TLCD3A: variants seen among roughly 807,000 people sequenced by gnomAD.
TLCD3A encodes TLC domain-containing protein 3A.
TLCD3A carries 17 observed loss-of-function variants against 29.9 expected under a neutral mutation model. The ratio of observed to expected loss-of-function variants is 0.57; its 90% CI spans 0.39 to 0.85. TLCD3A has a LOEUF of 0.85. Among genes scored for constraint, TLCD3A ranks in the 40% least tolerant of loss-of-function variants. TLCD3A has a pLI of 0.00. For missense variants in TLCD3A, 332 were observed against 350.8 expected (o/e 0.95, Z 0.43); for synonymous variants, 143 against 147.7 (o/e 0.97, Z 0.23).
intron 2 of TLCD3A, among the ~76,000 whole-genome samples, chr17:737,510 G>T (rs537056318): frequency 2.8e-4 from 42 of 151,992 alleles, no homozygotes; most frequent in Non-Finnish European, 5.0e-4. Flanking sequence ...TCTTGGTGGG[G>T]CCGTTGAATC....
In TLCD3A at chr17:741,431, T is replaced by A; in HGVS notation, c.635T>A (p.Leu212His). ...SYGRQQGLSL[L>H]QVPFSIPFYC... ...GGCCGCCAGCAGGGACTAAGCCTGC[T>A]CCAAGTACCCTTCAGCATCCCATTC... The change falls in exon 5 of 5, where the codon CTC becomes CAC. Residue 212 changes from leucine (L) to histidine (H), a missense_variant. By Grantham distance (99) the Leu-to-His change is moderately conservative. Transcript: ENST00000308278. 6.2e-7 allele frequency: 1 copy of A among 1,614,212 alleles called. No individual in the cohort carries two copies. Among genetic ancestry groups the A allele is most frequent in the Non-Finnish European group, 8.5e-7 (1 of 1,180,048 alleles).
In TLCD3A at chr17:741,843, T is replaced by G. The variant is rs752706282; in HGVS notation, c.*273T>G. On this transcript the variant is annotated 3_prime_UTR_variant, in exon 5 of 5. Transcript: ENST00000308278. ...CAAGGATCCTTCTTAAGGTCTTATC[T>G]CAAGAGCTCTGGGAGGTGGAAGCAT... The G allele has an allele frequency of 4.4e-5, 21 of 475,380 alleles. No homozygotes were observed. Among genetic ancestry groups the G allele is most frequent in the Non-Finnish European group, 7.3e-5 (19 of 260,694 alleles). 29.4% of individuals were successfully genotyped at this position (475,380 alleles called of 1,614,324 possible).
In TLCD3A at chr17:742,343, C is replaced by T. The variant is rs71358511; in HGVS notation, c.*773C>T. 13,438 of 152,208 alleles carry T rather than the reference C, an allele frequency of 0.088. 796 individuals are homozygous for T. Among genetic ancestry groups the T allele is most frequent in the Non-Finnish European group, 0.13 (8,851 of 68,024 alleles). The allele number at this position is 152,208 out of a possible 1,614,324, so 9.4% of individuals were successfully genotyped here. ...TCTTTTTCACACACCCCTTCATGCC[C>T]GGCTTTCCCCATATCCACATGCAGA... On this transcript the variant is annotated 3_prime_UTR_variant, in exon 5 of 5. Coordinates refer to ENST00000308278, the MANE Select transcript of TLCD3A (RefSeq NM_024792.3).
intron 2 of TLCD3A, among the ~76,000 whole-genome samples, chr17:736,064 CTTAT>C (rs927449566): frequency 1.2e-4 from 18 of 150,984 alleles, no homozygotes; most frequent in Non-Finnish European, 1.8e-4. Context: ...ACTTGCTTGC[CTTAT>C]TTGTTTATTC....
chr17:732,758 G>A lies in TLCD3A; in HGVS notation c.111G>A (p.Met37Ile), dbSNP rs1167568810. The change falls in exon 1 of 5, where the codon ATG becomes ATA. Residue 37 changes from methionine (M) to isoleucine (I), a missense_variant. Coordinates refer to ENST00000308278, the MANE Select transcript of TLCD3A (RefSeq NM_024792.3). ...QPGWSRTDCVMISTRLVSSVH... is the reference protein window; with the variant it reads ...QPGWSRTDCVIISTRLVSSVH... ...GATGGAGCCGCACCGACTGCGTGAT[G>A]ATCAGCACCAGGTACCGGCGCCGCC... 6.9e-7 allele frequency: 1 copy of A among 1,454,952 alleles called. No homozygotes were observed. Among genetic ancestry groups the A allele is most frequent in the Non-Finnish European group, 9.0e-7 (1 of 1,106,042 alleles). The allele number at this position is 1,454,952 out of a possible 1,614,324, so 90.1% of individuals were successfully genotyped here.
chr17:738,612 A>G (rs1033404836), intron 3 of TLCD3A, among the ~76,000 whole-genome samples: 12 of 152,070 alleles, frequency 7.9e-5, no homozygotes, highest in African/African-American at 1.7e-4. Context: ...TCACTCTGTC[A>G]CCCCGGGTGG....
intron 3 of TLCD3A, among the ~76,000 whole-genome samples, chr17:739,079 A>G (rs907853319): frequency 1.3e-5 from 2 of 152,106 alleles, no homozygotes; most frequent in Non-Finnish European, 2.9e-5. Flanking sequence ...CCCCAGATCC[A>G]TTTCCCCATA....
chr17:741,667 T>G lies in TLCD3A; in HGVS notation c.*97T>G. 1 of 1,412,820 alleles carries G rather than the reference T, an allele frequency of 7.1e-7. No homozygotes were observed. Among genetic ancestry groups the G allele is most frequent in the Non-Finnish European group, 9.6e-7 (1 of 1,041,342 alleles). 87.5% of individuals were successfully genotyped at this position (1,412,820 alleles called of 1,614,324 possible). ...GCCCTGGGTAGCCTCAGACTTTGGG[T>G]ATTGATAAGCCGATGGATTTGAGTT... On this transcript the variant is annotated 3_prime_UTR_variant, in exon 5 of 5. Transcript: ENST00000308278.
At chr17:735,986 C>CAAAAAA (rs55943725) in intron 2 of TLCD3A, among the ~76,000 whole-genome samples, 227 of 107,210 alleles carry the variant, frequency 2.1e-3, no homozygotes, top group African/African-American at 7.6e-3. Flanking sequence ...AAACCAAAAC[C>CAAAAAA]AAAAAAAAAA....
intron 1 of TLCD3A, 151 bp downstream of exon 1, chr17:732,920 C>T: frequency 2.2e-6 from 3 of 1,363,110 alleles, no homozygotes; most frequent in African/African-American, 1.5e-5. Context: ...CGAAGCCCCT[C>T]CGCGTCCTCC....
chr17:735,986 C>CAAAAAAAAAAA (rs55943725), intron 2 of TLCD3A, among the ~76,000 whole-genome samples: 1 of 107,276 alleles, frequency 9.3e-6, no homozygotes, highest in Non-Finnish European at 1.8e-5. Flanking sequence ...AAACCAAAAC[C>CAAAAAAAAAAA]AAAAAAAAAA....
chr17:741,259 C>T (rs1417339785), intron 4 of TLCD3A, 42 bp from the exon 5 acceptor site: 1 of 1,607,616 alleles, frequency 6.2e-7, no homozygotes, highest in Non-Finnish European at 8.5e-7. Flanking sequence ...TGATGCCCAG[C>T]TTCTTGGTGA....
intron 2 of TLCD3A, among the ~76,000 whole-genome samples, chr17:735,536 T>C (rs934919951): frequency 1.3e-5 from 2 of 152,212 alleles, no homozygotes; most frequent in African/African-American, 4.8e-5. Context: ...TAGGTTCCCT[T>C]CAAGGGGAGA....
chr17:732,948 C>G (rs1302473376), intron 1 of TLCD3A, 150 bp from the exon 2 acceptor site: 19 of 1,369,434 alleles, frequency 1.4e-5, no homozygotes, highest in Non-Finnish European at 1.8e-5. Flanking sequence ...GGAGCGGGGC[C>G]GGGGCGGGCG....
intron 4 of TLCD3A, among the ~76,000 whole-genome samples, chr17:741,054 G>A (rs1393095087): frequency 6.6e-6 from 1 of 152,216 alleles, no homozygotes; most frequent in Non-Finnish European, 1.5e-5. Context: ...GGTGGCCTGG[G>A]TCAAATTCAA....
chr17:733,995 C>G (rs1442312574), intron 2 of TLCD3A, among the ~76,000 whole-genome samples: 1 of 152,220 alleles, frequency 6.6e-6, no homozygotes, highest in East Asian at 1.9e-4. Context: ...AGCTGTCCGT[C>G]TCACTCTAGC....
At position 732,736 on chromosome 17, in the gene TLCD3A, G is replaced by A; in HGVS notation, c.89G>A (p.Trp30Ter). 6.9e-7 allele frequency: 1 copy of A among 1,446,344 alleles called. No homozygotes were observed. The highest frequency in any genetic ancestry group is 9.1e-7 in the Non-Finnish European group (1 of 1,101,056). 89.6% of individuals were successfully genotyped at this position (1,446,344 alleles called of 1,614,324 possible). ...GCGCTGCGCCGCTCCCAGCCCGGAT[G>A]GAGCCGCACCGACTGCGTGATGATC... ...TWALRRSQPG[W>*]SRTDCVMIST... is the part of the protein sequence containing the mutation. The change falls in exon 1 of 5, where the codon TGG becomes TAG. Residue 30 changes from tryptophan (W) to a stop codon, truncating the protein, a stop_gained. Transcript: ENST00000308278. LOFTEE classifies it high-confidence loss of function.
intron 4 of TLCD3A, among the ~76,000 whole-genome samples, chr17:740,892 C>T (rs1974243245): frequency 6.6e-6 from 1 of 152,142 alleles, no homozygotes; most frequent in African/African-American, 2.4e-5. Flanking sequence ...ATGAGAGATC[C>T]TTCAACAGCC....
rs1189420420 is a variant in TLCD3A, at chr17:740,588, G to A, written c.492G>A (p.Arg164=). Residue 164 remains arginine, a synonymous_variant, in exon 4 of 5, where the codon AGG becomes AGA. Transcript: ENST00000308278. ...ELSTPFVSLG[R]VLIQLKQQHT... is the part of the protein sequence containing the mutation. ...GCACTCCGTTTGTGTCGCTGGGCAGGGTTCTGATTCAGGCATGTATGAATG... is the reference window on the plus strand; with the variant it reads ...GCACTCCGTTTGTGTCGCTGGGCAGAGTTCTGATTCAGGCATGTATGAATG... 3 of 1,613,892 alleles carry A rather than the reference G, an allele frequency of 1.9e-6. No homozygotes were observed. The highest frequency in any genetic ancestry group is 2.2e-5 in the East Asian group (1 of 44,886).
Sources: allele counts gnomAD v4.1 joint callset (sites outside exome capture counted in the v4.1 genomes callset), GRCh38; gene constraint gnomAD v4.1.1; transcripts MANE v1.5; gene names NCBI Gene and HGNC (gene_info 2026-07-23, HGNC 2026-07-21).